Variants in DNAH7 observed in about 807,000 individuals in gnomAD.
DNAH7 encodes axonemal beta dynein heavy chain 7.
In DNAH7, 397 loss-of-function variants were observed where a neutral mutation model predicts 444.6. That is an observed-to-expected ratio of 0.89 (90% confidence interval 0.82 to 0.97). DNAH7 has a LOEUF of 0.97. DNAH7 is among the 50% of genes least tolerant of loss of function. DNAH7 has a pLI of 0.00. For missense variants in DNAH7, 4,902 were observed against 4,800.8 expected (o/e 1.02, Z -0.62); for synonymous variants, 1,636 against 1,624.4 (o/e 1.01, Z -0.17).
At chr2:196,016,694 G>GT (rs2125739126) in intron 9 of DNAH7, among the ~76,000 whole-genome samples, 1 of 152,278 alleles carries the variant, frequency 6.6e-6, no homozygotes, top group Non-Finnish European at 1.5e-5. Flanking sequence ...AGCCGAGTCT[G>GT]TAAGTTCAGA....
Position 195,906,740 on chromosome 2 carries a change from T to C in DNAH7, c.4254A>G (p.Leu1418=). The change falls in exon 27 of 65, where the codon CTA becomes CTG. Residue 1418 remains leucine, a synonymous_variant. Transcript: ENST00000312428. ...AGACAGCACATGTGGGGTCAAGTTT[T>C]AGTTCAGTTCCTTCAAACATCAGTA... The part of the protein sequence containing the change: ...ADILMFEGTE[L]KLDPTCAVFI... 6.2e-7 allele frequency: 1 copy of C among 1,613,574 alleles called. No individual in the cohort carries two copies.
chr2:195,896,765 A>G (rs1237461761), intron 29 of DNAH7, among the ~76,000 whole-genome samples: 1 of 152,110 alleles, frequency 6.6e-6, no homozygotes, highest in Non-Finnish European at 1.5e-5. Context: ...GAAAATCTGA[A>G]CTCTTTCCTT....
At chr2:196,046,201 C>A (rs1456239358) in intron 5 of DNAH7, among the ~76,000 whole-genome samples, 2 of 152,186 alleles carry the variant, frequency 1.3e-5, no homozygotes, top group African/African-American at 4.8e-5. Context: ...ACAGGCATGG[C>A]CATCCTAAGG....
chr2:195,797,942 G>A (rs1294399127), intron 55 of DNAH7, among the ~76,000 whole-genome samples: 1 of 152,130 alleles, frequency 6.6e-6, no homozygotes, highest in African/African-American at 2.4e-5. Flanking sequence ...TAAGTACTAT[G>A]CTAAGCTATC....
intron 25 of DNAH7, among the ~76,000 whole-genome samples, chr2:195,909,269 G>T (rs944608559): frequency 2.0e-5 from 3 of 152,080 alleles, no homozygotes; most frequent in Non-Finnish European, 4.4e-5. Flanking sequence ...AAAATAAAAT[G>T]TGCTTTGAAA....
Position 195,737,738 on chromosome 2 carries a change from A to G in DNAH7, c.*183T>C. The G allele has an allele frequency of 3.7e-6, 2 of 546,828 alleles. No individual in the cohort carries two copies. The highest frequency in any genetic ancestry group is 3.1e-5 in the East Asian group (1 of 32,604). The allele number at this position is 546,828 out of a possible 1,614,324, so 33.9% of individuals were successfully genotyped here. On this transcript the variant is annotated 3_prime_UTR_variant, in exon 65 of 65. Transcript: ENST00000312428. ...TTTTCTTTAGTCTTTATTTCAGAACATTTCCTTACATTTAAGTATGAGTCA... is the reference window on the plus strand; with the variant it reads ...TTTTCTTTAGTCTTTATTTCAGAACGTTTCCTTACATTTAAGTATGAGTCA...
At chr2:196,020,651 C>T (rs1401840573) in intron 8 of DNAH7, among the ~76,000 whole-genome samples, 4 of 146,898 alleles carry the variant, frequency 2.7e-5, no homozygotes, top group African/African-American at 1.0e-4. Context: ...CACTCTGTTG[C>T]CCAGGCTGGA....
At chr2:195,781,650 G>A (rs541439917) in intron 58 of DNAH7, among the ~76,000 whole-genome samples, 17 of 145,398 alleles carry the variant, frequency 1.2e-4, no homozygotes, top group African/African-American at 3.6e-4. Flanking sequence ...TAAGAAGTTC[G>A]TTTTAACCTT....
chr2:195,919,038 C>G (rs1687859362), intron 24 of DNAH7, among the ~76,000 whole-genome samples: 1 of 151,990 alleles, frequency 6.6e-6, no homozygotes, highest in Non-Finnish European at 1.5e-5. Context: ...ATCACGAGGT[C>G]AGGAGATCAA....
intron 24 of DNAH7, among the ~76,000 whole-genome samples, chr2:195,921,393 A>C (rs1010510559): frequency 6.7e-6 from 1 of 149,088 alleles, no homozygotes; most frequent in Non-Finnish European, 1.5e-5. Flanking sequence ...ACACACACAC[A>C]CCATGGAATA....
chr2:195,949,094 T>C (rs1255935269), intron 19 of DNAH7, among the ~76,000 whole-genome samples: 1 of 152,214 alleles, frequency 6.6e-6, no homozygotes, highest in Non-Finnish European at 1.5e-5. Context: ...GCTGTTTGTC[T>C]ATTATTGGTA....
chr2:195,975,226 T>C (rs557292365), intron 15 of DNAH7, among the ~76,000 whole-genome samples: 1 of 152,272 alleles, frequency 6.6e-6, no homozygotes, highest in South Asian at 2.1e-4. Flanking sequence ...TAGTCTTGAA[T>C]TGTGGATGCC....
chr2:196,001,913 T>C, intron 10 of DNAH7, 55 bp from the exon 11 acceptor site: 1 of 1,417,166 alleles, frequency 7.1e-7, no homozygotes, highest in South Asian at 1.4e-5. Context: ...TTACTCCTTT[T>C]ATATTAAGCA....
chr2:196,062,928 G>T (rs1698212125), intron 1 of DNAH7, among the ~76,000 whole-genome samples: 1 of 152,106 alleles, frequency 6.6e-6, no homozygotes, highest in Non-Finnish European at 1.5e-5. Flanking sequence ...CATCACCCAG[G>T]GTGTAGTGCA....
chr2:195,751,098 T>A (rs574912695), intron 63 of DNAH7, among the ~76,000 whole-genome samples: 1 of 152,230 alleles, frequency 6.6e-6, no homozygotes. Flanking sequence ...CCTTCTGTAT[T>A]TGTTTTATTT....
chr2:195,784,034 T>C (rs1695504288), intron 58 of DNAH7, among the ~76,000 whole-genome samples: 1 of 151,964 alleles, frequency 6.6e-6, no homozygotes, highest in African/African-American at 2.4e-5. Context: ...TCCCCCAGTA[T>C]CAACATCCAT....
At chr2:195,950,851 C>CAAAAAAAAAAAAAAAAAA (rs67782183) in intron 19 of DNAH7, among the ~76,000 whole-genome samples, 1 of 36,716 alleles carries the variant, frequency 2.7e-5, no homozygotes, top group Admixed American at 5.6e-4. Flanking sequence ...GACTCTGTCT[C>CAAAAAAAAAAAAAAAAAA]AAAAAAAAAA....
Position 195,749,546 on chromosome 2 carries a change from A to T in DNAH7, c.11764+4791T>A, listed in dbSNP as rs563210938. Among the ~76,000 whole-genome samples the T allele has an allele frequency of 4.6e-5, 7 of 152,142 alleles. No homozygotes were observed. In the East Asian group the frequency reaches 1.4e-3, roughly 29 times the overall value. ...ACACATGCACACATATGTTTATTGC[A>T]GCACTATTCACAATAGCAAAGACTT... is the stretch of plus-strand genomic sequence containing the variant. On this transcript the variant is annotated intron_variant, in intron 63 of 64. Transcript: ENST00000312428.
intron 19 of DNAH7, among the ~76,000 whole-genome samples, chr2:195,938,726 A>G (rs1221278455): frequency 6.6e-6 from 1 of 152,192 alleles, no homozygotes; most frequent in African/African-American, 2.4e-5. Flanking sequence ...AACTTTTTTT[A>G]TTATTGAATT....
Sources: allele counts gnomAD v4.1 joint callset (sites outside exome capture counted in the v4.1 genomes callset), GRCh38; gene constraint gnomAD v4.1.1; transcripts MANE v1.5; gene names NCBI Gene and HGNC (gene_info 2026-07-23, HGNC 2026-07-21).